Variants in BCAS3 observed in about 807,000 individuals in gnomAD.
BCAS3 encodes the protein BCAS3 microtubule associated cell migration factor, also known as BCAS4/BCAS3 fusion.
A neutral mutation model predicts 116.1 loss-of-function variants in BCAS3; 53 were observed. The observed-to-expected ratio is 0.46, with a 90% CI of 0.37 to 0.57. BCAS3 has a LOEUF of 0.57. Among genes scored for constraint, BCAS3 ranks in the 20% least tolerant of loss-of-function variants. The pLI, the probability that BCAS3 is intolerant of heterozygous loss-of-function variation, is 0.00. For missense variants in BCAS3, 917 were observed against 1,165.4 expected (o/e 0.79, Z 3.10); for synonymous variants, 391 against 408.2 (o/e 0.96, Z 0.51).
In BCAS3 at chr17:60,962,013, G is replaced by A. The variant is rs1452765808; in HGVS notation, c.1221+14661G>A. On this transcript the variant is annotated intron_variant, in intron 14 of 23. Coordinates refer to ENST00000407086, the MANE Select transcript of BCAS3 (RefSeq NM_017679.5). This position sits in a 1 kb window ranked among gnomAD's most constrained non-coding sequence, Gnocchi z 4.4. ...TCAGCTATGTTGCTGCAAATGACAG[G>A]ATTTCATTCTTTTTTTTAAAGCTGA... is the stretch of plus-strand genomic sequence containing the variant. Among the ~76,000 whole-genome samples the A allele has an allele frequency of 6.6e-6, 1 of 151,954 alleles. No homozygotes were observed. The highest frequency in any genetic ancestry group is 2.4e-5 in the African/African-American group (1 of 41,364).
chr17:61,185,046 C>A (rs921667420), intron 22 of BCAS3, among the ~76,000 whole-genome samples: 12 of 151,334 alleles, frequency 7.9e-5, no homozygotes, highest in Non-Finnish European at 1.2e-4. Flanking sequence ...AAAAAAAAAA[C>A]CTTTATCAGT....
At chr17:60,940,558 G>A (rs1389730467) in intron 13 of BCAS3, among the ~76,000 whole-genome samples, 1 of 152,160 alleles carries the variant, frequency 6.6e-6, no homozygotes, top group Non-Finnish European at 1.5e-5. Flanking sequence ...CTTTCTTTCA[G>A]TACTGGGATT....
At chr17:61,102,658 G>C (rs2074399818) in intron 22 of BCAS3, among the ~76,000 whole-genome samples, 1 of 152,142 alleles carries the variant, frequency 6.6e-6, no homozygotes, top group African/African-American at 2.4e-5. Flanking sequence ...GCAAGTGCAT[G>C]AGCTTTGTGG....
chr17:60,689,497 A>G (rs2034530187), intron 3 of BCAS3, among the ~76,000 whole-genome samples, 189 bp from the exon 4 acceptor site: 1 of 152,148 alleles, frequency 6.6e-6, no homozygotes, highest in Non-Finnish European at 1.5e-5. Context: ...AACTCTTTTG[A>G]CCAAGGTTAT....
At chr17:60,834,907 C>G (rs2051238165) in intron 7 of BCAS3, among the ~76,000 whole-genome samples, 1 of 151,808 alleles carries the variant, frequency 6.6e-6, no homozygotes, top group African/African-American at 2.4e-5. Flanking sequence ...CTAGTATATT[C>G]TTTTAGTTTT....
chr17:61,019,978 T>C lies in BCAS3; in HGVS notation c.1637+4077T>C, dbSNP rs1244456897. On this transcript the variant is annotated intron_variant, in intron 16 of 23. Coordinates refer to ENST00000407086, the MANE Select transcript of BCAS3 (RefSeq NM_017679.5). This position sits in a 1 kb window ranked among gnomAD's most constrained non-coding sequence, Gnocchi z 5.6. ...AAGAGAACACAGAGTGACCCACTTA[T>C]AGACAGGTAAATTATATTCTGTTTT... Among the ~76,000 whole-genome samples the C allele has an allele frequency of 6.6e-6, 1 of 152,228 alleles. No individual in the cohort carries two copies. Among genetic ancestry groups the C allele is most frequent in the Non-Finnish European group, 1.5e-5 (1 of 68,038 alleles).
Position 61,063,538 on chromosome 17 carries a change from A to G in BCAS3, c.2030-11382A>G, listed in dbSNP as rs1357412654. Among the ~76,000 whole-genome samples, 4 of 152,110 alleles carry G rather than the reference A, an allele frequency of 2.6e-5. No individual in the cohort carries two copies. The highest frequency in any genetic ancestry group is 9.7e-5 in the African/African-American group (4 of 41,418). Reference sequence around the variant, plus strand: ...CACCTCGGCCTCCCAAAGTGCTGGGATTACAGGCATGAGCCACCATGCCCG... The same window carrying G: ...CACCTCGGCCTCCCAAAGTGCTGGGGTTACAGGCATGAGCCACCATGCCCG... On this transcript the variant is annotated intron_variant, in intron 19 of 23. Coordinates refer to ENST00000407086, the MANE Select transcript of BCAS3 (RefSeq NM_017679.5). The surrounding 1 kb of genome is among the most constrained non-coding windows in gnomAD (Gnocchi z 5.3).
rs1394196916 is a variant in BCAS3, at chr17:61,363,715, T to C, written c.2426-4612T>C. Reference sequence around the variant, plus strand: ...CACTGCTTCAACAAAAGATGTCTGTTGCCAAGAGTGTGTATTTTGTCCTTT... The same window carrying C: ...CACTGCTTCAACAAAAGATGTCTGTCGCCAAGAGTGTGTATTTTGTCCTTT... On this transcript the variant is annotated intron_variant, in intron 22 of 23. Coordinates refer to ENST00000407086, the MANE Select transcript of BCAS3 (RefSeq NM_017679.5). This position sits in a 1 kb window ranked among gnomAD's most constrained non-coding sequence, Gnocchi z 4.9. 6.6e-6 allele frequency among the ~76,000 whole-genome samples: 1 copy of C among 152,238 alleles called. No homozygotes were observed. The highest frequency in any genetic ancestry group is 2.4e-5 in the African/African-American group (1 of 41,456).
chr17:60,703,853 G>A (rs1179236388), intron 4 of BCAS3, among the ~76,000 whole-genome samples: 1 of 150,586 alleles, frequency 6.6e-6, no homozygotes, highest in Non-Finnish European at 1.5e-5. Context: ...GGCGGAGCTT[G>A]TAGTGAGCCG....
intron 19 of BCAS3, among the ~76,000 whole-genome samples, chr17:61,046,074 A>G (rs1436763435): frequency 1.5e-4 from 5 of 33,196 alleles, no homozygotes; most frequent in African/African-American, 1.1e-3. Flanking sequence ...TATATAATAT[A>G]TATATATTTA....
At chr17:60,736,032 A>T (rs1469403697) in intron 5 of BCAS3, among the ~76,000 whole-genome samples, 1 of 143,592 alleles carries the variant, frequency 7.0e-6, no homozygotes, top group African/African-American at 2.9e-5. Context: ...TGTGAATTCC[A>T]CTTGGTTCTT....
chr17:60,992,209 C>CACACAA (rs1227906227), intron 15 of BCAS3, among the ~76,000 whole-genome samples: 1 of 151,688 alleles, frequency 6.6e-6, no homozygotes, highest in African/African-American at 2.4e-5. Flanking sequence ...CACACACACA[C>CACACAA]ACACACACAC....
chr17:61,257,694 G>A (rs778453497), intron 22 of BCAS3, among the ~76,000 whole-genome samples: 10 of 152,140 alleles, frequency 6.6e-5, no homozygotes, highest in South Asian at 2.1e-4. Context: ...GGAGGAACAC[G>A]GAATTTGGGA....
rs540843464 is a variant in BCAS3, at chr17:60,960,151, C to G, written c.1221+12799C>G. ...AATTCACTTCTCTGTATTCTATCCT[C>G]TGCCTCCCAGAATTCATGTTCATGC... On this transcript the variant is annotated intron_variant, in intron 14 of 23. Coordinates refer to ENST00000407086, the MANE Select transcript of BCAS3 (RefSeq NM_017679.5). This position sits in a 1 kb window ranked among gnomAD's most constrained non-coding sequence, Gnocchi z 4.1. 3.2e-4 allele frequency among the ~76,000 whole-genome samples: 48 copies of G among 152,322 alleles called. No homozygotes were observed. Among genetic ancestry groups the G allele is most frequent in the Non-Finnish European group, 5.7e-4 (39 of 68,020 alleles).
At chr17:61,283,993 T>C (rs2051487069) in intron 22 of BCAS3, among the ~76,000 whole-genome samples, 1 of 152,182 alleles carries the variant, frequency 6.6e-6, no homozygotes, top group South Asian at 2.1e-4. Context: ...TCTTTGGTAT[T>C]ACGATCTTGA....
intron 22 of BCAS3, among the ~76,000 whole-genome samples, chr17:61,149,981 A>T (rs940692721): frequency 6.6e-6 from 1 of 152,200 alleles, no homozygotes; most frequent in Non-Finnish European, 1.5e-5. Context: ...ACAAGACTGT[A>T]CAACTGCAGA....
At chr17:60,774,419 A>G (rs746663733) in intron 6 of BCAS3, among the ~76,000 whole-genome samples, 23 of 152,126 alleles carry the variant, frequency 1.5e-4, no homozygotes, top group Non-Finnish European at 2.6e-4. Flanking sequence ...GTGGTTATCT[A>G]ATTTGATTCT....
chr17:61,385,468 G>A (rs969328945), intron 23 of BCAS3, among the ~76,000 whole-genome samples: 13 of 152,336 alleles, frequency 8.5e-5, no homozygotes, highest in South Asian at 2.1e-4. Flanking sequence ...CACGTGACCC[G>A]CTGGTCTCCT....
intron 16 of BCAS3, among the ~76,000 whole-genome samples, chr17:61,033,995 T>C (rs1166467785): frequency 1.3e-5 from 2 of 152,188 alleles, no homozygotes; most frequent in African/African-American, 2.4e-5. Flanking sequence ...TAATTCCACC[T>C]TGGTCTTTTT....
Sources: gnomAD v4.1 joint callset for allele counts (sites outside exome capture counted in the v4.1 genomes callset) on GRCh38, gnomAD v4.1.1 for gene constraint, Gnocchi (gnomAD v3.1) non-coding constraint, MANE v1.5 for transcripts, NCBI Gene and HGNC (gene_info 2026-07-23, HGNC 2026-07-21) for gene names.